GLB1: variants seen among roughly 807,000 people sequenced by gnomAD.
GLB1 encodes the protein galactosidase beta 1.
In GLB1, 56 loss-of-function variants were observed where a neutral mutation model predicts 74.0. The observed-to-expected ratio is 0.76, with a 90% confidence interval of 0.61 to 0.94. GLB1 has a LOEUF of 0.94. GLB1 is among the 40% of genes least tolerant of loss of function. The pLI is 0.00. For missense variants in GLB1, 787 were observed against 845.5 expected (o/e 0.93, Z 0.86); for synonymous variants, 323 against 323.6 (o/e 1.00, Z 0.02).
At chr3:33,075,751 T>C (rs1700080122) in intron 1 of GLB1, among the ~76,000 whole-genome samples, 1 of 152,174 alleles carries the variant, frequency 6.6e-6, no homozygotes, top group East Asian at 1.9e-4. Context: ...CAATCTTGGC[T>C]GCACAGCAAA....
At chr3:33,010,538 C>T (rs901942392) in intron 15 of GLB1, among the ~76,000 whole-genome samples, 1 of 152,040 alleles carries the variant, frequency 6.6e-6, no homozygotes, top group Non-Finnish European at 1.5e-5. Context: ...GATATAAGTC[C>T]TTTGTTAGAT....
Position 33,072,527 on chromosome 3 carries a change from C to A in GLB1, c.245+17G>T, listed in dbSNP as rs1403953144. 6.2e-7 allele frequency: 1 copy of A among 1,612,672 alleles called. No homozygotes were observed. Among genetic ancestry groups the A allele is most frequent in the Admixed American group, 1.7e-5 (1 of 60,014 alleles). ...GGTGTTCAGGCCTAGGTGAGAGCCA[C>A]ATGCCCTCCTACTTACGTCTGGATG... On this transcript the variant is annotated intron_variant, in intron 2 of 15. Coordinates refer to ENST00000307363, the MANE Select transcript of GLB1 (RefSeq NM_000404.4).
intron 6 of GLB1, among the ~76,000 whole-genome samples, chr3:33,056,182 G>A (rs566505485): frequency 1.3e-4 from 19 of 141,334 alleles, no homozygotes; most frequent in South Asian, 1.2e-3. Flanking sequence ...AGCCAGGATC[G>A]GGTCGTTGCA....
rs1186494658 is a variant in GLB1 at position 33,091,159 on chromosome 3, G to T, written c.75+5852C>A. 5 of 985,328 alleles carry T rather than the reference G, an allele frequency of 5.1e-6. No homozygotes were observed. In the East Asian group the frequency reaches 3.4e-4, roughly 67 times the overall value. The allele number at this position is 985,328 out of a possible 1,614,324, so 61.0% of individuals were successfully genotyped here. A position where few individuals can be genotyped will look rare whatever the true frequency, so the allele number is the denominator to read the frequency against. ...AAAATGCGGTCGGGACACAAGAAAA[G>T]TGAGTTTGGAAGGACAGTGAAGAGA... On this transcript the variant is annotated intron_variant, in intron 1 of 15. Coordinates refer to ENST00000307363, the MANE Select transcript of GLB1 (RefSeq NM_000404.4).
At chr3:33,032,331 T>C (rs1698086602) in intron 10 of GLB1, among the ~76,000 whole-genome samples, 1 of 152,158 alleles carries the variant, frequency 6.6e-6, no homozygotes, top group African/African-American at 2.4e-5. Context: ...TTGGTGCTTA[T>C]GGAGAAATCT....
At chr3:33,011,008 C>T (rs1241850225) in intron 15 of GLB1, among the ~76,000 whole-genome samples, 1 of 152,074 alleles carries the variant, frequency 6.6e-6, no homozygotes, top group Non-Finnish European at 1.5e-5. Context: ...AGTTACTCAC[C>T]ACCACGCCTG....
At chr3:33,012,894 T>G (rs1179548091) in intron 15 of GLB1, among the ~76,000 whole-genome samples, 1 of 152,186 alleles carries the variant, frequency 6.6e-6, no homozygotes, top group Non-Finnish European at 1.5e-5. Flanking sequence ...CCATCCCAGT[T>G]TCTCAATGAG....
intron 10 of GLB1, among the ~76,000 whole-genome samples, chr3:33,043,306 C>T (rs1246365487): frequency 6.6e-6 from 1 of 152,134 alleles, no homozygotes; most frequent in African/African-American, 2.4e-5. Flanking sequence ...TAGAGAGGGA[C>T]ATTAGAGGGG....
At chr3:33,044,660 T>C (rs1454474643) in intron 10 of GLB1, among the ~76,000 whole-genome samples, 4 of 152,298 alleles carry the variant, frequency 2.6e-5, no homozygotes, top group Non-Finnish European at 4.4e-5. Flanking sequence ...AAATTATAAG[T>C]GTGGTAAGTC....
intron 2 of GLB1, among the ~76,000 whole-genome samples, chr3:33,071,365 A>G (rs1699880471): frequency 6.6e-6 from 1 of 152,240 alleles, no homozygotes; most frequent in Non-Finnish European, 1.5e-5. Context: ...TTGAGAAGTT[A>G]TCAGCAATCC....
chr3:33,018,378 G>A, intron 13 of GLB1, 70 bp downstream of exon 13: 1 of 1,394,200 alleles, frequency 7.2e-7, no homozygotes. Flanking sequence ...CAAATGCTGT[G>A]TTAACAAGTG....
rs1396680727 is a variant in GLB1 at position 33,093,949 on chromosome 3, G to A, written c.75+3062C>T. 1.2e-6 allele frequency: 2 copies of A among 1,614,174 alleles called. No homozygotes were observed. The highest frequency in any genetic ancestry group is 2.2e-5 in the South Asian group (2 of 91,074). On this transcript the variant is annotated intron_variant, in intron 1 of 15. Transcript: ENST00000307363. The surrounding 1 kb of genome is among the most constrained non-coding windows in gnomAD (Gnocchi z 6.0). Reference sequence around the variant, plus strand: ...GCCAGAACCACCACCTTCCAAAGCTGAAAACAGGTTGACTCTGCAGCTGGG... The same window carrying A: ...GCCAGAACCACCACCTTCCAAAGCTAAAAACAGGTTGACTCTGCAGCTGGG...
At chr3:33,040,067 G>C (rs1449691060) in intron 10 of GLB1, among the ~76,000 whole-genome samples, 1 of 152,140 alleles carries the variant, frequency 6.6e-6, no homozygotes, top group African/African-American at 2.4e-5. Context: ...GCTGTTCCTA[G>C]ATCCTTTACC....
chr3:32,996,366 C>T (rs1225064509), downstream of GLB1, among the ~76,000 whole-genome samples: 3 of 152,122 alleles, frequency 2.0e-5, no homozygotes, highest in South Asian at 4.1e-4. Context: ...AAACGGGATC[C>T]AATTTAAGGT....
At chr3:32,983,800 C>A in the GLB1 span, among the ~76,000 whole-genome samples, 1 of 151,696 alleles carries the variant, frequency 6.6e-6, no homozygotes, top group South Asian at 2.1e-4. Context: ...CACCTCAGCC[C>A]CCTGAGTAGC....
At chr3:33,054,322 C>T (rs908616650) in intron 6 of GLB1, among the ~76,000 whole-genome samples, 3 of 152,166 alleles carry the variant, frequency 2.0e-5, no homozygotes, top group African/African-American at 7.2e-5. Context: ...TACTTCCAAG[C>T]TAGCTTCTGA....
intron 14 of GLB1, among the ~76,000 whole-genome samples, chr3:33,014,818 T>C (rs771888500): frequency 2.6e-5 from 4 of 152,056 alleles, no homozygotes; most frequent in Admixed American, 6.5e-5. Context: ...AATACAAAAG[T>C]TAGCTGGGTG....
rs1379463490 is a variant in GLB1, at chr3:33,014,183, T to A, written c.1607A>T (p.Asp536Val). 1 of 1,614,062 alleles carries A rather than the reference T, an allele frequency of 6.2e-7. No homozygotes were observed. Among genetic ancestry groups the A allele is most frequent in the Admixed American group, 1.7e-5 (1 of 60,010 alleles). ...GGATGAGTTGTGGGCCCAGGCTTCA[T>A]CATGGTGGCCACTGTCACGGTGTCC... Reference protein sequence around the residue: ...GWGHRDSGHHDEAWAHNSSNY... With the variant: ...GWGHRDSGHHVEAWAHNSSNY... The change falls in exon 15 of 16, where the codon GAT (aspartate) becomes GTT (valine). Residue 536 changes from aspartate to valine, a missense_variant. Asp to Val is a radical substitution (Grantham distance 152). Transcript: ENST00000307363.
intron 9 of GLB1, among the ~76,000 whole-genome samples, chr3:33,051,158 G>A (rs1048891783): frequency 1.3e-5 from 2 of 150,352 alleles, no homozygotes; most frequent in South Asian, 2.1e-4. Context: ...ATGTGAACCC[G>A]GGAGGCAGAG....
Sources: allele counts gnomAD v4.1 joint callset (sites outside exome capture counted in the v4.1 genomes callset), GRCh38; gene constraint gnomAD v4.1.1; non-coding constraint Gnocchi (gnomAD v3.1); transcripts MANE v1.5; gene names NCBI Gene and HGNC (gene_info 2026-07-23, HGNC 2026-07-21).